The following SDK1 variants were observed in gnomAD, a reference collection of about 807,000 sequenced individuals.
The protein encoded by SDK1 is sidekick cell adhesion molecule 1.
In SDK1, 157 loss-of-function variants were observed where a neutral mutation model predicts 245.5. The ratio of observed to expected loss-of-function variants is 0.64; its 90% confidence interval spans 0.56 to 0.73. SDK1 has a LOEUF of 0.73. Ranked by LOEUF, SDK1 falls within the 30% of genes least tolerant of loss-of-function variation. The pLI is 0.00. For missense variants in SDK1, 3,583 were observed against 3,002.3 expected (o/e 1.19, Z -4.52); for synonymous variants, 1,647 against 1,278.5 (o/e 1.29, Z -6.15).
chr7:4,007,794 C>T (rs1002735317), intron 14 of SDK1, among the ~76,000 whole-genome samples: 105 of 152,092 alleles, frequency 6.9e-4, no homozygotes, highest in African/African-American at 2.4e-3. Context: ...TTAGTAGAGG[C>T]GGGGTTTCAC....
chr7:3,411,327 C>A (rs1222026029), intron 1 of SDK1, among the ~76,000 whole-genome samples: 1 of 152,184 alleles, frequency 6.6e-6, no homozygotes, highest in African/African-American at 2.4e-5. Flanking sequence ...GTTGGAGTCA[C>A]ATTTTGGTGT....
At chr7:3,575,451 ACAT>A (rs1460884795) in intron 1 of SDK1, among the ~76,000 whole-genome samples, 2 of 151,922 alleles carry the variant, frequency 1.3e-5, no homozygotes, top group Non-Finnish European at 1.5e-5. Flanking sequence ...GGGGACACAA[ACAT>A]CAGTCCCTAA....
intron 4 of SDK1, among the ~76,000 whole-genome samples, chr7:3,651,687 G>A (rs185182406): frequency 6.6e-6 from 1 of 152,160 alleles, no homozygotes; most frequent in African/African-American, 2.4e-5. Context: ...TGAGCTCCAA[G>A]TAAGATAAAT....
chr7:3,303,362 A>C (rs1232186480), intron 1 of SDK1, among the ~76,000 whole-genome samples: 1 of 152,210 alleles, frequency 6.6e-6, no homozygotes, highest in Non-Finnish European at 1.5e-5. Flanking sequence ...TGCATTTTGC[A>C]CTAAGACCTG....
chr7:3,887,401 G>A lies in SDK1; in HGVS notation c.848-63522G>A, dbSNP rs1419997949. On this transcript the variant is annotated intron_variant, in intron 5 of 44. Transcript: ENST00000404826. ...GCCTCGAACAGGCAGGGGAGGAACC[G>A]TGGAGTATTAGTGAACATGGAAAGC... Among the ~76,000 whole-genome samples, 4 of 152,214 alleles carry A rather than the reference G, an allele frequency of 2.6e-5. No individual in the cohort carries two copies. The East Asian group carries it at 5.8e-4, about 22-fold the overall frequency.
At chr7:3,390,579 C>A (rs1290497735) in intron 1 of SDK1, among the ~76,000 whole-genome samples, 1 of 152,144 alleles carries the variant, frequency 6.6e-6, no homozygotes, top group Non-Finnish European at 1.5e-5. Flanking sequence ...CAGGATTAGA[C>A]CGGACTATAA....
intron 4 of SDK1, among the ~76,000 whole-genome samples, chr7:3,806,129 C>A (rs1053172975): frequency 6.6e-6 from 1 of 152,230 alleles, no homozygotes; most frequent in Admixed American, 6.5e-5. Context: ...AAACTTTCTC[C>A]TCTGCCAGTG....
At chr7:4,066,054 C>T (rs964119683) in intron 19 of SDK1, among the ~76,000 whole-genome samples, 1 of 152,116 alleles carries the variant, frequency 6.6e-6, no homozygotes, top group Non-Finnish European at 1.5e-5. Flanking sequence ...TCAGTAGGAA[C>T]CAGTGTTCCC....
At chr7:3,660,152 T>C in intron 4 of SDK1, among the ~76,000 whole-genome samples, 1 of 152,068 alleles carries the variant, frequency 6.6e-6, no homozygotes, top group African/African-American at 2.4e-5. Flanking sequence ...AGTTCTTGCC[T>C]GCAGAGAGAT....
At chr7:3,638,926 TA>T (rs1782558789) in intron 2 of SDK1, 77 bp from the exon 3 acceptor site, 1 of 823,926 alleles carries the variant, frequency 1.2e-6, no homozygotes, top group Non-Finnish European at 1.9e-6. Context: ...TGCTGTTTGA[TA>T]AAATAGCATC....
intron 1 of SDK1, among the ~76,000 whole-genome samples, chr7:3,362,757 T>C (rs1780987448): frequency 2.0e-5 from 3 of 152,200 alleles, no homozygotes; most frequent in Admixed American, 2.0e-4. Flanking sequence ...GGAAGACATT[T>C]TCATGTACCA....
At chr7:3,755,849 C>G (rs1308472518) in intron 4 of SDK1, among the ~76,000 whole-genome samples, 1 of 152,144 alleles carries the variant, frequency 6.6e-6, no homozygotes, top group African/African-American at 2.4e-5. Flanking sequence ...AATCTGACTC[C>G]TTTCACATGG....
At chr7:3,889,859 CCTG>C (rs1433770402) in intron 5 of SDK1, among the ~76,000 whole-genome samples, 2 of 152,148 alleles carry the variant, frequency 1.3e-5, no homozygotes, top group Non-Finnish European at 2.9e-5. Context: ...TAACTAGTCT[CCTG>C]CTGGTCTGTC....
intron 5 of SDK1, among the ~76,000 whole-genome samples, chr7:3,936,338 T>C (rs574279085): frequency 2.6e-5 from 4 of 151,974 alleles, no homozygotes; most frequent in African/African-American, 9.7e-5. Flanking sequence ...TCCCAGCACT[T>C]TGGGAGGCCG....
chr7:4,250,063 C>A (rs1414198726), intron 44 of SDK1, among the ~76,000 whole-genome samples: 1 of 152,328 alleles, frequency 6.6e-6, no homozygotes. Flanking sequence ...CTGCAGCCAA[C>A]CCCAGCTCTT....
chr7:3,723,797 T>TACACGTGTATATACACGTACATATACAC (rs1562397328), intron 4 of SDK1, among the ~76,000 whole-genome samples: 1 of 140,942 alleles, frequency 7.1e-6, no homozygotes, highest in Non-Finnish European at 1.6e-5. Flanking sequence ...TACTTATACA[T>TACACGTGTATATACACGTACATATACAC]ATACACGTGT....
chr7:4,150,917 C>G lies in SDK1; in HGVS notation c.4625+1454C>G, dbSNP rs147417571. Among the ~76,000 whole-genome samples the G allele has an allele frequency of 3.5e-3, 528 of 152,364 alleles. 7 individuals carry two copies. The highest frequency in any genetic ancestry group is 0.012 in the African/African-American group (501 of 41,596). ...GGCGTCTCAGTACAGAGCTGTGAAGCTGGAACTGTGCAGGCTCAGCCTGGC... is the reference window on the plus strand; with the variant it reads ...GGCGTCTCAGTACAGAGCTGTGAAGGTGGAACTGTGCAGGCTCAGCCTGGC... On this transcript the variant is annotated intron_variant, in intron 30 of 44. Transcript: ENST00000404826.
intron 5 of SDK1, among the ~76,000 whole-genome samples, chr7:3,920,020 G>T (rs1040371384): frequency 1.3e-5 from 2 of 152,192 alleles, no homozygotes; most frequent in African/African-American, 4.8e-5. Context: ...GAACTTTCAG[G>T]ATGAAAGGAT....
chr7:3,367,458 C>A (rs1326140231), intron 1 of SDK1, among the ~76,000 whole-genome samples: 1 of 152,210 alleles, frequency 6.6e-6, no homozygotes, highest in East Asian at 1.9e-4. Context: ...ATTTTGGTTT[C>A]TTTCCTCAGT....
Sources: allele counts gnomAD v4.1 joint callset (sites outside exome capture counted in the v4.1 genomes callset), GRCh38; gene constraint gnomAD v4.1.1; transcripts MANE v1.5; gene names NCBI Gene and HGNC (gene_info 2026-07-23, HGNC 2026-07-21).